ZNF91: variants seen among roughly 807,000 people sequenced by gnomAD.
The protein encoded by ZNF91 is zinc finger protein 91 (HPF7, HTF10).
Under a neutral mutation model 12.6 loss-of-function variants are expected in ZNF91, and 7 were observed. The ratio of observed to expected loss-of-function variants is 0.55; its 90% CI spans 0.31 to 1.04. The LOEUF is 1.04. Among genes scored for constraint, ZNF91 ranks in the 50% least tolerant of loss-of-function variants. ZNF91 has a pLI of 0.05. For synonymous variants in ZNF91, 453 were observed against 462.6 expected, an observed-to-expected ratio of 0.98 and a Z score of 0.27; for missense variants, 1,217 against 1,385.4, an observed-to-expected ratio of 0.88 and a Z score of 1.93.
chr19:23,373,252 G>A (rs956287810), intron 3 of ZNF91, among the ~76,000 whole-genome samples: 9 of 150,902 alleles, frequency 6.0e-5, no homozygotes, highest in African/African-American at 2.2e-4. Flanking sequence ...AGCACTCAAA[G>A]TATGTGGAAG....
At chr19:23,381,417 A>T (rs755436270) in intron 1 of ZNF91, among the ~76,000 whole-genome samples, 1 of 151,958 alleles carries the variant, frequency 6.6e-6, no homozygotes, top group Non-Finnish European at 1.5e-5. Context: ...GTATGACAAC[A>T]CACTCCACTT....
chr19:23,393,179 C>A (rs1365177121), intron 1 of ZNF91, among the ~76,000 whole-genome samples: 1 of 151,940 alleles, frequency 6.6e-6, no homozygotes, highest in Non-Finnish European at 1.5e-5. Context: ...TTTGTTTTCT[C>A]CTCAATACTA....
At chr19:23,324,383 G>A (rs1196977373) in intron 1 of ZNF91, 1 of 150,134 alleles carries the variant, frequency 6.7e-6, no homozygotes, top group African/African-American at 2.5e-5. Flanking sequence ...TTCTCTTACT[G>A]TGCCACTGGC....
chr19:23,332,319 A>G (rs1353600377), intron 1 of ZNF91, among the ~76,000 whole-genome samples: 15 of 152,154 alleles, frequency 9.9e-5, no homozygotes, highest in Non-Finnish European at 1.8e-4. Context: ...TCTAACAATT[A>G]CTGACCACTA....
chr19:23,325,212 T>G (rs1483694464), intron 1 of ZNF91: 1 of 151,932 alleles, frequency 6.6e-6, no homozygotes, highest in African/African-American at 2.4e-5. Context: ...CTGCGTGCAG[T>G]AAGCAGACAG....
At chr19:23,321,203 G>A (rs774318017) in intron 1 of ZNF91, among the ~76,000 whole-genome samples, 3 of 152,148 alleles carry the variant, frequency 2.0e-5, no homozygotes, top group East Asian at 1.9e-4. Flanking sequence ...CCTGGGCTTC[G>A]TTCACAAGTA....
rs186243596 is a variant in ZNF91, at chr19:23,362,609, T to G, written c.370A>C (p.Lys124Gln). 6.0e-4 allele frequency: 956 copies of G among 1,590,774 alleles called. 5 individuals are homozygous for G. In the African/African-American group the frequency reaches 0.012, roughly 20 times the overall value. Residue 124 changes from lysine (K) to glutamine (Q), a missense_variant, in exon 4 of 4, where the codon AAA becomes CAA. Lys to Gln is a moderately conservative substitution (Grantham distance 53). Coordinates refer to ENST00000300619, the MANE Select transcript of ZNF91 (RefSeq NM_003430.4). ...CACTCATCCACACTTTTACAACCTTTTCTTAACTGTAAATTCTCATGTCCA... is the reference window on the plus strand; with the variant it reads ...CACTCATCCACACTTTTACAACCTTGTCTTAACTGTAAATTCTCATGTCCA... ...KCGHENLQLR[K>Q]GCKSVDECKV...
chr19:23,360,889 C>G lies in ZNF91; in HGVS notation c.2090G>C (p.Arg697Pro), dbSNP rs553868508. The change falls in exon 4 of 4, where the codon CGA becomes CCA. Residue 697 changes from arginine (R) to proline (P), a missense_variant. Arg to Pro is a moderately radical substitution (Grantham distance 103, BLOSUM62 -2). Coordinates refer to ENST00000300619, the MANE Select transcript of ZNF91 (RefSeq NM_003430.4). ...TTTATGTTTAGTAAGGGTTGAGAGT[C>G]GCTTAAAAGTTTTGTCACATTCTTT... is the stretch of plus-strand genomic sequence containing the variant. ...KCKECDKTFK[R>P]LSTLTKHKII... is the part of the protein sequence containing the mutation. 1 of 1,612,044 alleles carries G rather than the reference C, an allele frequency of 6.2e-7. No homozygotes were observed. The highest frequency in any genetic ancestry group is 1.7e-5 in the Admixed American group (1 of 59,838).
intron 3 of ZNF91, among the ~76,000 whole-genome samples, chr19:23,371,928 A>G: frequency 6.6e-6 from 1 of 152,216 alleles, no homozygotes; most frequent in East Asian, 1.9e-4. Context: ...TCAAGTTTAG[A>G]ACCAACTATA....
At chr19:23,374,432 C>T (rs962420469) in intron 2 of ZNF91, among the ~76,000 whole-genome samples, 5 of 146,998 alleles carry the variant, frequency 3.4e-5, no homozygotes, top group South Asian at 2.2e-4. Context: ...TGGTGGTGGG[C>T]GCCTGTAGTC....
chr19:23,357,224 C>A (rs1968512838), downstream of ZNF91, among the ~76,000 whole-genome samples: 1 of 143,266 alleles, frequency 7.0e-6, no homozygotes. Context: ...AAGACTCTGT[C>A]TCAAAAACAA....
intron 1 of ZNF91, 142 bp from the exon 2 acceptor site, chr19:23,374,906 AAC>A: frequency 7.4e-7 from 1 of 1,360,226 alleles, no homozygotes. Flanking sequence ...AATAATTGTC[AAC>A]ACACAAACGT....
rs755244742 is a variant in ZNF91 at position 23,360,635 on chromosome 19, A to G, written c.2344T>C (p.Ser782Pro). 2 of 1,613,416 alleles carry G rather than the reference A, an allele frequency of 1.2e-6. No homozygotes were observed. The highest frequency in any genetic ancestry group is 1.7e-6 in the Non-Finnish European group (2 of 1,179,828). The change falls in exon 4 of 4, where the codon TCT becomes CCT. Residue 782 changes from serine to proline, a missense_variant. This residue lies in a region of ZNF91 where 491 missense variants were observed against 489.8 expected (regional missense o/e 1.00). Transcript: ENST00000300619. ...CKECGKAFIW[S>P]STLTRHKRIH... ...CTCTTATGTCTAGTTAGGGTTGAAG[A>G]CCATATAAATGCTTTGCCACATTCT...
At chr19:23,381,865 C>T (rs1969728811) in intron 1 of ZNF91, among the ~76,000 whole-genome samples, 1 of 151,980 alleles carries the variant, frequency 6.6e-6, no homozygotes, top group African/African-American at 2.4e-5. Flanking sequence ...ATCTTTTAGT[C>T]TTTATAATTC....
chr19:23,335,939 G>A (rs777843305), downstream of ZNF91, among the ~76,000 whole-genome samples: 20 of 152,084 alleles, frequency 1.3e-4, no homozygotes, highest in South Asian at 1.0e-3. Context: ...GTTCCTATTC[G>A]GCCATCTTGG....
At position 23,324,954 on chromosome 19, in the gene ZNF91, A is replaced by T. The variant is rs1967810195; in HGVS notation, n.117-15857T>A. The T allele has an allele frequency of 3.3e-5, 5 of 151,964 alleles. No individual in the cohort carries two copies. In the South Asian group the frequency reaches 1.0e-3, roughly 32 times the overall value. The allele number at this position is 151,964 out of a possible 1,614,324, so 9.4% of individuals were successfully genotyped here. On this transcript the variant is annotated intron_variant and non_coding_transcript_variant, in intron 1 of 1. Transcript: ENST00000596528. Reference sequence around the variant, plus strand: ...CATGCATGTCCTCTTGAGAGAGTGGATGTCAGCCAGCTACCCTGGCTGAGA... The same window carrying T: ...CATGCATGTCCTCTTGAGAGAGTGGTTGTCAGCCAGCTACCCTGGCTGAGA...
chr19:23,363,148 T>G (rs1968879840), intron 3 of ZNF91, among the ~76,000 whole-genome samples: 2 of 152,254 alleles, frequency 1.3e-5, no homozygotes, highest in African/African-American at 4.8e-5. Flanking sequence ...TTAAATTTAC[T>G]TGACACAGCT....
At chr19:23,310,247 C>T (rs1360680391) in intron 1 of ZNF91, among the ~76,000 whole-genome samples, 1 of 152,190 alleles carries the variant, frequency 6.6e-6, no homozygotes, top group Non-Finnish European at 1.5e-5. Context: ...GATTGTGACA[C>T]TCTTACACAC....
chr19:23,375,250 T>C (rs1409163143), intron 1 of ZNF91, among the ~76,000 whole-genome samples: 2 of 151,940 alleles, frequency 1.3e-5, no homozygotes, highest in African/African-American at 4.8e-5. Context: ...AAGCTCCGCC[T>C]CCCGGGTTCC....
Sources: gnomAD v4.1 joint callset for allele counts (sites outside exome capture counted in the v4.1 genomes callset) on GRCh38, gnomAD v4.1.1 for gene constraint, gnomAD v4.1.1 regional missense constraint, MANE v1.5 for transcripts, NCBI Gene and HGNC (gene_info 2026-07-23, HGNC 2026-07-21) for gene names.